MICAL3: variants seen among roughly 807,000 people sequenced by gnomAD.
The protein encoded by MICAL3 is [F-actin]-monooxygenase MICAL3.
In MICAL3, 62 loss-of-function variants were observed where a neutral mutation model predicts 207.4. That is an observed-to-expected ratio of 0.30 (90% CI 0.24 to 0.37). The LOEUF is 0.37. MICAL3 is among the 10% of genes least tolerant of loss of function. The pLI, the probability that MICAL3 is intolerant of heterozygous loss-of-function variation, is 1.00. For missense variants in MICAL3, 2,368 were observed against 2,635.6 expected, an observed-to-expected ratio of 0.90 and a Z score of 2.22; for synonymous variants, 1,077 against 1,069.3, an observed-to-expected ratio of 1.01 and a Z score of -0.14.
At chr22:17,876,829 T>TGGAGGTTAG (rs1569109206) in intron 16 of MICAL3, 1 of 25,292 alleles carries the variant, frequency 4.0e-5, no homozygotes, top group Non-Finnish European at 8.9e-5. Flanking sequence ...AGGGAGGTTA[T>TGGAGGTTAG]GGAGGTTAGG....
At chr22:17,956,098 G>A (rs1934600815) in intron 1 of MICAL3, among the ~76,000 whole-genome samples, 1 of 152,220 alleles carries the variant, frequency 6.6e-6, no homozygotes, top group Admixed American at 6.5e-5. Flanking sequence ...CTGCAGAAGG[G>A]AGCTGCAGAG....
intron 10 of MICAL3, 55 bp downstream of exon 10, chr22:17,895,229 T>G (rs552851994): frequency 1.3e-6 from 2 of 1,589,342 alleles, no homozygotes; most frequent in South Asian, 1.1e-5. Flanking sequence ...CAGATCAGAA[T>G]TCTCATTGGT....
chr22:17,901,603 C>A (rs143890247), intron 5 of MICAL3, among the ~76,000 whole-genome samples: 2 of 152,056 alleles, frequency 1.3e-5, no homozygotes, highest in African/African-American at 2.4e-5. Flanking sequence ...CCAGGGAGAT[C>A]GAGGCTGCAG....
intron 1 of MICAL3, among the ~76,000 whole-genome samples, chr22:17,943,288 G>A (rs995688764): frequency 3.3e-5 from 5 of 152,062 alleles, no homozygotes; most frequent in East Asian, 3.9e-4. Context: ...TCCGCCTCCC[G>A]AGTAGCTGGG....
chr22:17,984,538 C>T (rs574637272), intron 1 of MICAL3, among the ~76,000 whole-genome samples: 2 of 150,530 alleles, frequency 1.3e-5, no homozygotes, highest in Non-Finnish European at 3.0e-5. Flanking sequence ...AGACCTCCCC[C>T]CCACCCCCCA....
intron 1 of MICAL3, among the ~76,000 whole-genome samples, chr22:17,950,342 T>C (rs893587759): frequency 9.0e-6 from 1 of 110,674 alleles, no homozygotes; most frequent in African/African-American, 4.2e-5. Context: ...TTTTTGTTTT[T>C]TTTTTTTTTT....
intron 1 of MICAL3, among the ~76,000 whole-genome samples, chr22:18,010,471 T>A (rs138905018): frequency 6.6e-6 from 1 of 151,762 alleles, no homozygotes; most frequent in Non-Finnish European, 1.5e-5. Flanking sequence ...ATAGAGAGAG[T>A]CTTTGTCAGG....
chr22:18,000,055 C>T (rs1252961591), intron 1 of MICAL3, among the ~76,000 whole-genome samples: 8 of 152,126 alleles, frequency 5.3e-5, no homozygotes, highest in African/African-American at 7.2e-5. Flanking sequence ...AACCAGAAGG[C>T]GGGGCTTTCC....
chr22:18,014,931 G>A (rs1174927047), intron 1 of MICAL3, among the ~76,000 whole-genome samples: 5 of 151,808 alleles, frequency 3.3e-5, no homozygotes, highest in Non-Finnish European at 4.4e-5. Flanking sequence ...AGCTTGCAGT[G>A]AGCCGACATT....
rs911480475 is a variant in MICAL3 at position 17,906,654 on chromosome 22, G to A, written c.159C>T (p.Leu53=). The A allele has an allele frequency of 9.3e-6, 15 of 1,613,876 alleles. No individual in the cohort carries two copies. The highest frequency in any genetic ancestry group is 2.2e-5 in the East Asian group (1 of 44,892). ...CTTTCCAGTAGTTAAGCTTGGACTT[G>A]AGCTTGTGATAGAAGGAGCGGTAGT... The part of the protein sequence containing the change: ...PKDYRSFYHK[L]KSKLNYWKAK... The change falls in exon 2 of 32, where the codon CTC becomes CTT. Residue 53 remains leucine (L), a synonymous_variant. Coordinates refer to ENST00000441493, the MANE Select transcript of MICAL3 (RefSeq NM_015241.3).
intron 1 of MICAL3, among the ~76,000 whole-genome samples, chr22:18,007,871 C>T (rs910512561): frequency 4.0e-5 from 5 of 123,766 alleles, no homozygotes; most frequent in Non-Finnish European, 7.9e-5. Context: ...TGCAGTGAGC[C>T]GAGATCGCAC....
intron 1 of MICAL3, among the ~76,000 whole-genome samples, chr22:17,931,562 C>T (rs932675618): frequency 6.6e-6 from 1 of 152,196 alleles, no homozygotes; most frequent in Non-Finnish European, 1.5e-5. Context: ...AGCAAGCTAC[C>T]AACTCCGTGG....
In MICAL3 at chr22:17,818,995, G is replaced by A. The variant is rs1921256899; in HGVS notation, c.3666C>T (p.Pro1222=). Residue 1222 remains proline (P), a synonymous_variant, in exon 26 of 32, where the codon CCC becomes CCT. Coordinates refer to ENST00000441493, the MANE Select transcript of MICAL3 (RefSeq NM_015241.3). ...APSDLKAVHS[P]IRSQPVTLPE... ...GCAGGGTCACTGGCTGTGATCGGAT[G>A]GGAGAGTGCACAGCTTTCAGATCCG... is the stretch of plus-strand genomic sequence containing the variant. The A allele has an allele frequency of 6.2e-7, 1 of 1,609,692 alleles. No individual in the cohort carries two copies. The highest frequency in any genetic ancestry group is 8.5e-7 in the Non-Finnish European group (1 of 1,178,140).
At chr22:17,901,785 G>A (rs901753670) in intron 5 of MICAL3, 93 bp downstream of exon 5, 2 of 889,322 alleles carry the variant, frequency 2.2e-6, no homozygotes, top group Non-Finnish European at 3.4e-6. Context: ...TCTCAAAAGG[G>A]TGGACGCTGG....
chr22:17,798,673 CTTTT>C (rs375673869), intron 29 of MICAL3, among the ~76,000 whole-genome samples: 1 of 130,672 alleles, frequency 7.7e-6, no homozygotes, highest in Non-Finnish European at 1.6e-5. Flanking sequence ...GGAGCAATGC[CTTTT>C]TTTTTTTTTT....
intron 1 of MICAL3, among the ~76,000 whole-genome samples, chr22:17,919,612 C>G (rs1932752612): frequency 1.3e-5 from 2 of 152,220 alleles, no homozygotes; most frequent in South Asian, 4.1e-4. Flanking sequence ...GCAGTGGCAC[C>G]AGGCTGGGAG....
intron 1 of MICAL3, among the ~76,000 whole-genome samples, chr22:17,923,131 A>G (rs1602226390): frequency 6.6e-6 from 1 of 152,280 alleles, no homozygotes; most frequent in East Asian, 1.9e-4. Context: ...ATTCAGAGAA[A>G]GTGAGTAACA....
At chr22:17,972,957 C>A (rs1358980759) in intron 1 of MICAL3, among the ~76,000 whole-genome samples, 1 of 152,212 alleles carries the variant, frequency 6.6e-6, no homozygotes, top group Non-Finnish European at 1.5e-5. Flanking sequence ...CAGGCCCCTG[C>A]ACGTCAGGCA....
At chr22:17,952,695 G>A (rs946661914) in intron 1 of MICAL3, among the ~76,000 whole-genome samples, 6 of 149,680 alleles carry the variant, frequency 4.0e-5, no homozygotes, top group Non-Finnish European at 7.3e-5. Context: ...GTCCACACAG[G>A]CGGGGCGTCA....
Sources: gnomAD v4.1 joint callset for allele counts (sites outside exome capture counted in the v4.1 genomes callset) on GRCh38, gnomAD v4.1.1 for gene constraint, MANE v1.5 for transcripts, NCBI Gene and HGNC (gene_info 2026-07-23, HGNC 2026-07-21) for gene names.